The following ATOSA variants were observed in gnomAD, a reference collection of about 807,000 sequenced individuals.
The protein encoded by ATOSA is atos homolog A.
the ATOSA span, among the ~76,000 whole-genome samples, chr15:52,634,641 G>A: frequency 0.56 from 81,896 of 145,964 alleles, 26,523 homozygotes; most frequent in Non-Finnish European, 0.72. Context: ...TTGCTCTGTC[G>A]CCCAGGCTGG....
At chr15:52,650,515 T>C in the ATOSA span, among the ~76,000 whole-genome samples, 4 of 152,302 alleles carry the variant, frequency 2.6e-5, no homozygotes, top group East Asian at 5.8e-4. Flanking sequence ...GTTATATACA[T>C]AGTATTGTTA....
At chr15:52,695,472 T>A in the ATOSA span, among the ~76,000 whole-genome samples, 1 of 152,226 alleles carries the variant, frequency 6.6e-6, no homozygotes, top group Non-Finnish European at 1.5e-5. Context: ...TCTACTTCTC[T>A]CCCGCCTTTT....
the ATOSA span, among the ~76,000 whole-genome samples, chr15:52,599,835 G>C: frequency 6.6e-6 from 1 of 152,128 alleles, no homozygotes; most frequent in East Asian, 1.9e-4. Flanking sequence ...ATTTTACCAA[G>C]TAAGAAGATG....
At chr15:52,659,774 A>C in the ATOSA span, among the ~76,000 whole-genome samples, 1 of 152,186 alleles carries the variant, frequency 6.6e-6, no homozygotes, top group African/African-American at 2.4e-5. Context: ...TTGCCCACTG[A>C]GGTGGGAGGT....
At chr15:52,663,703 C>T in the ATOSA span, among the ~76,000 whole-genome samples, 2 of 152,172 alleles carry the variant, frequency 1.3e-5, no homozygotes, top group Admixed American at 1.3e-4. Flanking sequence ...CTCACTACAG[C>T]CTTAAATCCT....
the ATOSA span, among the ~76,000 whole-genome samples, chr15:52,660,538 G>C: frequency 6.6e-6 from 1 of 152,138 alleles, no homozygotes; most frequent in Non-Finnish European, 1.5e-5. Flanking sequence ...CTTAGCCTTC[G>C]TATATTTCCT....
the ATOSA span, among the ~76,000 whole-genome samples, chr15:52,670,590 T>C: frequency 2.0e-5 from 3 of 152,192 alleles, no homozygotes; most frequent in Non-Finnish European, 2.9e-5. Context: ...GAAAAATGTA[T>C]AACTAAGTAT....
the ATOSA span, among the ~76,000 whole-genome samples, chr15:52,631,481 G>A: frequency 2.6e-5 from 4 of 152,122 alleles, no homozygotes; most frequent in Admixed American, 6.6e-5. Flanking sequence ...AGGGAAAAAA[G>A]ACAATATTCA....
the ATOSA span, among the ~76,000 whole-genome samples, chr15:52,671,287 A>T: frequency 6.6e-6 from 1 of 152,242 alleles, no homozygotes; most frequent in Non-Finnish European, 1.5e-5. Flanking sequence ...AATTAAGTAT[A>T]AAATTGTGAT....
chr15:52,644,448 T>C, the ATOSA span, among the ~76,000 whole-genome samples: 2 of 152,192 alleles, frequency 1.3e-5, no homozygotes, highest in Non-Finnish European at 1.5e-5. Context: ...TTTTCCTTCT[T>C]AGAATTTAGC....
chr15:52,651,961 C>A, the ATOSA span: 1 of 1,534,774 alleles, frequency 6.5e-7, no homozygotes, highest in Non-Finnish European at 8.7e-7. Context: ...GCTATACTAT[C>A]AGTAACTGAG....
chr15:52,709,285 C>T, the ATOSA span, among the ~76,000 whole-genome samples: 1 of 152,162 alleles, frequency 6.6e-6, no homozygotes, highest in African/African-American at 2.4e-5. Context: ...TATTAACCTG[C>T]ATGTCACCTA....
At chr15:52,701,429 A>G in the ATOSA span, among the ~76,000 whole-genome samples, 1 of 152,208 alleles carries the variant, frequency 6.6e-6, no homozygotes, top group Non-Finnish European at 1.5e-5. Flanking sequence ...ACAGAATGAG[A>G]CCCTGTCTCC....
At chr15:52,679,999 C>CT in the ATOSA span, among the ~76,000 whole-genome samples, 1 of 151,142 alleles carries the variant, frequency 6.6e-6, no homozygotes, top group Non-Finnish European at 1.5e-5. Context: ...TAGATTTTCC[C>CT]AAATCACTAA....
At chr15:52,615,050 T>C in the ATOSA span, among the ~76,000 whole-genome samples, 2 of 152,190 alleles carry the variant, frequency 1.3e-5, no homozygotes, top group Non-Finnish European at 2.9e-5. Context: ...TTCCTTAGTC[T>C]CACAGCACTA....
chr15:52,593,845 G>A, the ATOSA span: 1 of 1,062,854 alleles, frequency 9.4e-7, no homozygotes, highest in African/African-American at 1.6e-5. Flanking sequence ...GTGATTAAAA[G>A]AAATATATTA....
the ATOSA span, among the ~76,000 whole-genome samples, chr15:52,630,406 T>C: frequency 5.9e-5 from 9 of 152,282 alleles, no homozygotes; most frequent in Non-Finnish European, 1.3e-4. Context: ...GATGAATATC[T>C]AGAATATTTC....
At chr15:52,593,231 C>T in the ATOSA span, among the ~76,000 whole-genome samples, 1 of 152,070 alleles carries the variant, frequency 6.6e-6, no homozygotes, top group African/African-American at 2.4e-5. Context: ...ATACAGAAGC[C>T]TTATGTCACC....
the ATOSA span, among the ~76,000 whole-genome samples, chr15:52,628,075 C>CT: frequency 2.8e-3 from 430 of 152,218 alleles, 1 homozygote; most frequent in Non-Finnish European, 4.7e-3. Context: ...GGCTTAGTGA[C>CT]TGATGAGACA....
Sources: gnomAD v4.1 joint callset for allele counts (sites outside exome capture counted in the v4.1 genomes callset) on GRCh38, gnomAD v4.1.1 for gene constraint, MANE v1.5 for transcripts, NCBI Gene and HGNC (gene_info 2026-07-23, HGNC 2026-07-21) for gene names.